The following RIF1 variants were observed in gnomAD, a reference collection of about 807,000 sequenced individuals.
RIF1 encodes replication timing regulatory factor 1.
In RIF1, 45 loss-of-function variants were observed where a neutral mutation model predicts 247.1. The observed-to-expected ratio is 0.18, with a 90% confidence interval of 0.14 to 0.23. The LOEUF (loss-of-function observed/expected upper bound fraction) is 0.23. RIF1 is among the 10% of genes least tolerant of loss of function. RIF1 has a pLI of 1.00. For missense variants in RIF1, 2,967 were observed against 2,862.5 expected (o/e 1.04, Z -0.83); for synonymous variants, 1,087 against 978.8 (o/e 1.11, Z -2.06).
chr2:151,428,693 G>A (rs938648729), intron 8 of RIF1, 91 bp from the exon 9 acceptor site: 5 of 973,258 alleles, frequency 5.1e-6, no homozygotes, highest in East Asian at 4.8e-5. Flanking sequence ...AGTCCTAAGA[G>A]CATCTGTTAA....
intron 27 of RIF1, among the ~76,000 whole-genome samples, 163 bp from the exon 28 acceptor site, chr2:151,462,078 GC>G (rs1189883627): frequency 6.6e-6 from 1 of 151,880 alleles, no homozygotes; most frequent in African/African-American, 2.4e-5. Flanking sequence ...TTGCCATGTT[GC>G]CCATGCTGGT....
intron 9 of RIF1, chr2:151,492,366 C>A (rs1281527629): frequency 1.3e-6 from 2 of 1,592,838 alleles, no homozygotes; most frequent in East Asian, 2.2e-5. Flanking sequence ...GCCAGCCAAT[C>A]CTAAAGAATT....
chr2:151,516,739 G>A, the RIF1 span, among the ~76,000 whole-genome samples: 25 of 152,264 alleles, frequency 1.6e-4, no homozygotes, highest in African/African-American at 5.8e-4. Flanking sequence ...TCTAGGTGTT[G>A]AGGGGATGGG....
chr2:151,476,736 GAATTAT>G lies in RIF1; in HGVS notation c.*1672_*1677del, dbSNP rs771713077. 18 of 152,230 alleles carry G rather than the reference GAATTAT, an allele frequency of 1.2e-4. No homozygotes were observed. The highest frequency in any genetic ancestry group is 1.3e-4 in the Admixed American group (2 of 15,286). The allele number at this position is 152,230 out of a possible 1,614,324, so 9.4% of individuals were successfully genotyped here. A position where few individuals can be genotyped will look rare whatever the true frequency, so the allele number is the denominator to read the frequency against. On this transcript the variant is annotated 3_prime_UTR_variant, in exon 36 of 36. Transcript: ENST00000444746. ...AGAAAAATACTAATTTCCTTAAAAG[GAATTAT>G]AATTATGATTTACATTTTACATCAT...
rs35808744 is a variant in RIF1 at position 151,506,954 on chromosome 2, C to T, written c.*1027+579C>T. The T allele has an allele frequency of 2.1e-3, 3,312 of 1,611,470 alleles. 70 individuals carry two copies. In the African/African-American group the frequency reaches 0.039, roughly 19 times the overall value. Reference sequence around the variant, plus strand: ...TTTCTTTTACACGCAGTATTTCTGGCGTGTCTTGAACAACTGTAATTTTTC... The same window carrying T: ...TTTCTTTTACACGCAGTATTTCTGGTGTGTCTTGAACAACTGTAATTTTTC... On this transcript the variant is annotated intron_variant and NMD_transcript_variant, in intron 13 of 13. Coordinates refer to the RIF1 transcript ENST00000454583.
Position 151,456,633 on chromosome 2 carries a change from A to G in RIF1, c.2652+13A>G, listed in dbSNP as rs1373087648. ...TCTGAACAACAAGGTAAAAATAGAC[A>G]ATTCTCCATAAACCATACTTTCATG... On this transcript the variant is annotated intron_variant, in intron 23 of 35. Coordinates refer to ENST00000444746, the MANE Select transcript of RIF1 (RefSeq NM_018151.5). The G allele has an allele frequency of 1.6e-5, 23 of 1,429,736 alleles. No homozygotes were observed. The highest frequency in any genetic ancestry group is 2.1e-5 in the Non-Finnish European group (22 of 1,027,230). 88.6% of individuals were successfully genotyped at this position (1,429,736 alleles called of 1,614,324 possible). A position where few individuals can be genotyped will look rare whatever the true frequency, so the allele number is the denominator to read the frequency against.
Position 151,446,552 on chromosome 2 carries a change from A to G in RIF1, c.2221A>G (p.Ser741Gly). The G allele has an allele frequency of 6.2e-7, 1 of 1,612,640 alleles. No individual in the cohort carries two copies. Among genetic ancestry groups the G allele is most frequent in the Non-Finnish European group, 8.5e-7 (1 of 1,179,788 alleles). Reference protein sequence around the residue: ...CEELSSKIMSSLEDEGFSNLL... With the variant: ...CEELSSKIMSGLEDEGFSNLL... ...GGAACTTTCTTCCAAGATAATGTCCAGTTTGGAAGATGAAGGCTTTTCTGT... is the reference window on the plus strand; with the variant it reads ...GGAACTTTCTTCCAAGATAATGTCCGGTTTGGAAGATGAAGGCTTTTCTGT... The change falls in exon 20 of 36, where the codon AGT becomes GGT. Residue 741 changes from serine (S) to glycine (G), a missense_variant. Transcript: ENST00000444746.
chr2:151,533,927 C>T, the RIF1 span, among the ~76,000 whole-genome samples: 1 of 152,204 alleles, frequency 6.6e-6, no homozygotes, highest in South Asian at 2.1e-4. Context: ...GCAACTCAAT[C>T]TGCAGTTTAC....
At chr2:151,433,907 C>CA (rs1481936593) in intron 10 of RIF1, among the ~76,000 whole-genome samples, 2 of 151,992 alleles carry the variant, frequency 1.3e-5, no homozygotes, top group Non-Finnish European at 2.9e-5. Flanking sequence ...CGCGGTGACT[C>CA]ATGCCTGTAG....
the RIF1 span, chr2:151,525,397 G>A: frequency 2.9e-6 from 2 of 681,054 alleles, no homozygotes. Flanking sequence ...CTGGGACTTA[G>A]ATAAGACCCA....
chr2:151,470,962 G>A (rs1019191172), intron 34 of RIF1, among the ~76,000 whole-genome samples: 2 of 151,994 alleles, frequency 1.3e-5, no homozygotes, highest in Admixed American at 1.3e-4. Flanking sequence ...TACCCTATGG[G>A]TGCAGTTAGT....
At chr2:151,436,055 C>G (rs1013570898) in intron 11 of RIF1, among the ~76,000 whole-genome samples, 3 of 152,130 alleles carry the variant, frequency 2.0e-5, no homozygotes, top group East Asian at 1.9e-4. Context: ...GAAACCCAGT[C>G]TCTACTGAAA....
intron 7 of RIF1, among the ~76,000 whole-genome samples, 162 bp from the exon 8 acceptor site, chr2:151,422,788 A>G (rs1357737039): frequency 1.3e-5 from 2 of 151,820 alleles, no homozygotes; most frequent in Non-Finnish European, 2.9e-5. Context: ...AAGTGCTGGG[A>G]TTACAGGCTT....
At chr2:151,506,439 C>A in intron 13 of RIF1, 1 of 567,076 alleles carries the variant, frequency 1.8e-6, no homozygotes, top group Non-Finnish European at 3.1e-6. Flanking sequence ...ACCAGTTATA[C>A]AACATGGATC....
chr2:151,492,356 G>C, intron 9 of RIF1: 1 of 1,588,868 alleles, frequency 6.3e-7, no homozygotes, highest in Non-Finnish European at 8.6e-7. Context: ...CTGACAGGCA[G>C]CCAGCCAATC....
chr2:151,526,328 C>G, the RIF1 span: 36 of 1,088,076 alleles, frequency 3.3e-5, no homozygotes, highest in Non-Finnish European at 4.6e-5. Flanking sequence ...TTTATTACAC[C>G]CTCAAACCAG....
the RIF1 span, chr2:151,531,709 A>G: frequency 1.0e-4 from 107 of 1,068,190 alleles, no homozygotes; most frequent in Non-Finnish European, 1.4e-4. Flanking sequence ...AGTCTCCCAG[A>G]CTTTGTGACA....
Position 151,433,190 on chromosome 2 carries a change from A to C in RIF1, c.1039A>C (p.Met347Leu). 1 of 1,613,610 alleles carries C rather than the reference A, an allele frequency of 6.2e-7. No individual in the cohort carries two copies. The highest frequency in any genetic ancestry group is 8.5e-7 in the Non-Finnish European group (1 of 1,179,580). The change falls in exon 10 of 36, where the codon ATG becomes CTG. Residue 347 changes from methionine to leucine, a missense_variant. Physicochemically the swap from Met to Leu is conservative, Grantham distance 15. Around this residue, in one of 7 missense-constraint regions of RIF1, gnomAD observed 71 missense variants for 132.9 expected, o/e 0.53. Transcript: ENST00000444746. ...TKLEVWWYLLMRLGPHLPANF... is the reference protein window; with the variant it reads ...TKLEVWWYLLLRLGPHLPANF... ...ACTAGAAGTCTGGTGGTATTTACTGATGAGACTTGGACCTCATCTTCCTGC... is the reference window on the plus strand; with the variant it reads ...ACTAGAAGTCTGGTGGTATTTACTGCTGAGACTTGGACCTCATCTTCCTGC...
the RIF1 span, chr2:151,526,239 G>A: frequency 1.2e-5 from 19 of 1,612,534 alleles, no homozygotes; most frequent in South Asian, 1.2e-4. Flanking sequence ...CTCTTTCCTT[G>A]ACATGTTTCT....
Sources: gnomAD v4.1 joint callset for allele counts (sites outside exome capture counted in the v4.1 genomes callset) on GRCh38, gnomAD v4.1.1 for gene constraint, gnomAD v4.1.1 regional missense constraint, MANE v1.5 for transcripts, NCBI Gene and HGNC (gene_info 2026-07-23, HGNC 2026-07-21) for gene names.